The following CCDC150 variants were observed in gnomAD, a reference collection of about 807,000 sequenced individuals.
CCDC150 encodes the protein coiled-coil domain containing 150.
In CCDC150, 151 loss-of-function variants were observed where a neutral mutation model predicts 156.5. That is an observed-to-expected ratio of 0.97 (90% CI 0.85 to 1.10). CCDC150 has a LOEUF of 1.10. Among genes scored for constraint, CCDC150 ranks in the 50% least tolerant of loss-of-function variants. The pLI, the probability that CCDC150 is intolerant of heterozygous loss-of-function variation, is 0.00. For missense variants in CCDC150, 1,312 were observed against 1,268.1 expected (o/e 1.03, Z -0.53); for synonymous variants, 452 against 429.4 (o/e 1.05, Z -0.65).
At chr2:196,691,858 T>C (rs1695500472) in intron 13 of CCDC150, among the ~76,000 whole-genome samples, 1 of 152,134 alleles carries the variant, frequency 6.6e-6, no homozygotes, top group African/African-American at 2.4e-5. Flanking sequence ...GAAGAATTGC[T>C]TGAACCTGGG....
intron 13 of CCDC150, among the ~76,000 whole-genome samples, chr2:196,693,522 CACTT>C (rs1695615089): frequency 6.6e-6 from 1 of 152,216 alleles, no homozygotes; most frequent in African/African-American, 2.4e-5. Flanking sequence ...TTGACACACT[CACTT>C]ACTCTAGCAT....
At chr2:196,713,613 G>A in intron 17 of CCDC150, 4 of 1,508,006 alleles carry the variant, frequency 2.7e-6, no homozygotes, top group South Asian at 2.7e-5. Flanking sequence ...AGACTGGAAG[G>A]CAAAATAGAG....
chr2:196,687,477 G>T (rs572004504), intron 13 of CCDC150, among the ~76,000 whole-genome samples: 11 of 151,970 alleles, frequency 7.2e-5, no homozygotes, highest in Admixed American at 6.6e-4. Flanking sequence ...TCTTTTTCTT[G>T]CAAATTTAAG....
chr2:196,724,193 T>C (rs1321628426), intron 21 of CCDC150, among the ~76,000 whole-genome samples: 1 of 152,164 alleles, frequency 6.6e-6, no homozygotes, highest in African/African-American at 2.4e-5. Flanking sequence ...ATCTGCTATA[T>C]AACATAGGGC....
At chr2:196,699,575 A>G (rs1308621567) in intron 14 of CCDC150, among the ~76,000 whole-genome samples, 2 of 151,344 alleles carry the variant, frequency 1.3e-5, no homozygotes, top group African/African-American at 4.9e-5. Context: ...GCTGGAGTGC[A>G]ATGGCACCAT....
At position 196,666,719 on chromosome 2, in the gene CCDC150, G is replaced by C. The variant is rs535367193; in HGVS notation, c.763G>C (p.Val255Leu). The C allele has an allele frequency of 6.3e-7, 1 of 1,597,210 alleles. No individual in the cohort carries two copies. The highest frequency in any genetic ancestry group is 1.4e-5 in the African/African-American group (1 of 73,990). The part of the protein sequence containing the change: ...GSTVEVERKQ[V>L]HILQQNCIAL... ...AAGAGTTTTTCTTATACAATTTCAG[G>C]TGCACATTTTGCAGCAAAACTGCAT... The change falls in exon 7 of 28, where the codon GTG (valine) becomes CTG (leucine). Residue 255 changes from valine (V) to leucine (L), a missense_variant and splice_region_variant. Val to Leu is a conservative substitution (Grantham distance 32). Transcript: ENST00000389175.
intron 2 of CCDC150, among the ~76,000 whole-genome samples, chr2:196,650,396 T>C (rs1388428404): frequency 1.3e-5 from 2 of 152,090 alleles, no homozygotes; most frequent in Admixed American, 6.6e-5. Flanking sequence ...GGTTTGCTAG[T>C]GTTTTGTTTG....
intron 17 of CCDC150, among the ~76,000 whole-genome samples, chr2:196,714,577 G>A (rs1249958544): frequency 2.0e-5 from 3 of 152,114 alleles, no homozygotes; most frequent in African/African-American, 4.8e-5. Context: ...CTTCCCGGTC[G>A]CAAGACCCAG....
In CCDC150 at chr2:196,712,592, C is replaced by T. The variant is rs1236973538; in HGVS notation, c.1804-85C>T. The T allele has an allele frequency of 3.6e-6, 3 of 823,786 alleles. No homozygotes were observed. The East Asian group carries it at 7.9e-5, about 22-fold the overall frequency. The allele number at this position is 823,786 out of a possible 1,614,324, so 51.0% of individuals were successfully genotyped here. A position where few individuals can be genotyped will look rare whatever the true frequency, so the allele number is the denominator to read the frequency against. ...TAGGGAGCATTATTATGAGTAGAAG[C>T]AGTGAGAAATGCTTTCATAAAGGCA... On this transcript the variant is annotated intron_variant, in intron 16 of 27. Coordinates refer to ENST00000389175, the MANE Select transcript of CCDC150 (RefSeq NM_001080539.2).
intron 18 of CCDC150, 120 bp from the exon 19 acceptor site, chr2:196,719,377 A>G: frequency 1.5e-6 from 1 of 670,682 alleles, no homozygotes. Flanking sequence ...TATTCCCACT[A>G]GCATCCTACT....
chr2:196,642,770 T>G (rs1044993028), intron 1 of CCDC150, among the ~76,000 whole-genome samples: 2 of 152,190 alleles, frequency 1.3e-5, no homozygotes, highest in Non-Finnish European at 2.9e-5. Flanking sequence ...GACAAGGTCT[T>G]GCTTTGTCAC....
chr2:196,730,846 A>G lies in CCDC150; in HGVS notation c.2983-13A>G, dbSNP rs1328020587. The G allele has an allele frequency of 3.8e-6, 6 of 1,572,372 alleles. No individual in the cohort carries two copies. Among genetic ancestry groups the G allele is most frequent in the Non-Finnish European group, 5.2e-6 (6 of 1,156,266 alleles). ...GTTGGAAGTTTATAAAAATCTTTGT[A>G]TCACATTTTCAGGAATTGGAAGAAA... On this transcript the variant is annotated splice_polypyrimidine_tract_variant and intron_variant, in intron 25 of 27. Transcript: ENST00000389175.
At chr2:196,662,576 G>T (rs1033236675) in intron 5 of CCDC150, among the ~76,000 whole-genome samples, 1 of 152,124 alleles carries the variant, frequency 6.6e-6, no homozygotes, top group East Asian at 1.9e-4. Flanking sequence ...TGGTAGAGCT[G>T]GTACACCCAC....
Position 196,730,956 on chromosome 2 carries a change from C to A in CCDC150, c.3069+11C>A. 2 of 1,582,952 alleles carry A rather than the reference C, an allele frequency of 1.3e-6. No homozygotes were observed. Among genetic ancestry groups the A allele is most frequent in the Non-Finnish European group, 1.7e-6 (2 of 1,164,046 alleles). On this transcript the variant is annotated intron_variant, in intron 26 of 27. Coordinates refer to ENST00000389175, the MANE Select transcript of CCDC150 (RefSeq NM_001080539.2). ...GTGGAATCAGAACAGGTGAGCCAGA[C>A]CCACGGACATAAAGACTTAGACGTT...
intron 14 of CCDC150, among the ~76,000 whole-genome samples, chr2:196,695,739 A>G (rs1270348839): frequency 6.7e-6 from 1 of 149,630 alleles, no homozygotes; most frequent in Non-Finnish European, 1.5e-5. Flanking sequence ...GCTACTCGGG[A>G]GGCGGAGCTT....
At chr2:196,703,805 A>G (rs953439972) in intron 15 of CCDC150, among the ~76,000 whole-genome samples, 3 of 152,222 alleles carry the variant, frequency 2.0e-5, no homozygotes, top group Non-Finnish European at 2.9e-5. Flanking sequence ...AACCTCAACT[A>G]TGCAATCTTA....
At chr2:196,658,924 G>A in intron 5 of CCDC150, 64 bp downstream of exon 5, 1 of 1,155,790 alleles carries the variant, frequency 8.7e-7, no homozygotes, top group South Asian at 1.4e-5. Context: ...CAAGAAAGCA[G>A]AGAGAATGAA....
At chr2:196,696,572 C>T (rs779075274) in intron 14 of CCDC150, among the ~76,000 whole-genome samples, 1 of 152,154 alleles carries the variant, frequency 6.6e-6, no homozygotes, top group Non-Finnish European at 1.5e-5. Context: ...TTTTGCCTGC[C>T]TACCATGTCT....
At chr2:196,643,034 G>A (rs1170423650) in intron 1 of CCDC150, among the ~76,000 whole-genome samples, 1 of 152,224 alleles carries the variant, frequency 6.6e-6, no homozygotes, top group Non-Finnish European at 1.5e-5. Context: ...ATGAGCCACT[G>A]TGCCTGGCCA....
Sources: gnomAD v4.1 joint callset for allele counts (sites outside exome capture counted in the v4.1 genomes callset) on GRCh38, gnomAD v4.1.1 for gene constraint, MANE v1.5 for transcripts, NCBI Gene and HGNC (gene_info 2026-07-23, HGNC 2026-07-21) for gene names.